The following MYO5B variants were observed in gnomAD, a reference collection of about 807,000 sequenced individuals.
The protein encoded by MYO5B is unconventional myosin-Vb.
Under a neutral mutation model 229.3 loss-of-function variants are expected in MYO5B, and 143 were observed. That is an observed-to-expected ratio of 0.62 (90% CI 0.54 to 0.72). The LOEUF (loss-of-function observed/expected upper bound fraction) is 0.72. Ranked by LOEUF, MYO5B falls within the 30% of genes least tolerant of loss-of-function variation. The pLI is 0.00. For missense variants in MYO5B, 2,321 were observed against 2,331.0 expected, an observed-to-expected ratio of 1.00 and a Z score of 0.09; for synonymous variants, 918 against 885.2, an observed-to-expected ratio of 1.04 and a Z score of -0.66.
chr18:50,183,822 T>C (rs2144352692), intron 1 of MYO5B, among the ~76,000 whole-genome samples: 1 of 152,226 alleles, frequency 6.6e-6, no homozygotes, highest in African/African-American at 2.4e-5. Context: ...GTTCTCATGG[T>C]AGTGAGTTCT....
chr18:50,036,729 G>A (rs2026452113), intron 4 of MYO5B, 121 bp downstream of exon 4: 2 of 1,171,256 alleles, frequency 1.7e-6, no homozygotes, highest in Admixed American at 3.7e-5. Flanking sequence ...TTGTTTCCAA[G>A]ATGTTTCCTC....
intron 4 of MYO5B, among the ~76,000 whole-genome samples, chr18:50,021,708 C>T (rs1265131493): frequency 1.2e-4 from 14 of 115,942 alleles, no homozygotes. Flanking sequence ...AACACCCCAT[C>T]CCATCTGCGT....
rs578050757 is a variant in MYO5B, at chr18:49,974,368, C to T, written c.1304G>A (p.Gly435Glu). The T allele has an allele frequency of 6.2e-7, 1 of 1,614,184 alleles. No homozygotes were observed. Among genetic ancestry groups the T allele is most frequent in the African/African-American group, 1.3e-5 (1 of 75,044 alleles). The change falls in exon 10 of 40, where the codon GGG (glycine) becomes GAG (glutamate). Residue 435 changes from glycine (G) to glutamate (E), a missense_variant. Physicochemically the swap from Gly to Glu is moderately conservative, Grantham distance 98 (BLOSUM62 -2). Around this residue, in one of 2 missense-constraint regions of MYO5B, gnomAD observed 2,113 missense variants for 2,044.7 expected, o/e 1.03. Coordinates refer to ENST00000285039, the MANE Select transcript of MYO5B (RefSeq NM_001080467.3). ...GGCCTACCCATAGATGTCCAGGACCCCGATGAAGGAGTGCTGCTTGAGGGA... is the reference window on the plus strand; with the variant it reads ...GGCCTACCCATAGATGTCCAGGACCTCGATGAAGGAGTGCTGCTTGAGGGA... ...HTSLKQHSFIGVLDIYGFETF... is the reference protein window; with the variant it reads ...HTSLKQHSFIEVLDIYGFETF...
intron 36 of MYO5B, among the ~76,000 whole-genome samples, chr18:49,838,778 A>T (rs1057277772): frequency 6.6e-6 from 1 of 152,168 alleles, no homozygotes; most frequent in African/African-American, 2.4e-5. Flanking sequence ...TTTCGCATGA[A>T]CACTCCTGCT....
At chr18:49,979,439 A>G (rs1167929266) in intron 9 of MYO5B, among the ~76,000 whole-genome samples, 2 of 152,188 alleles carry the variant, frequency 1.3e-5, no homozygotes, top group South Asian at 2.1e-4. Context: ...TCCATGGATG[A>G]TACACAATGA....
chr18:50,156,873 A>T (rs1455348216), intron 1 of MYO5B, among the ~76,000 whole-genome samples: 1 of 152,182 alleles, frequency 6.6e-6, no homozygotes, highest in Non-Finnish European at 1.5e-5. Context: ...TTCAATGTAC[A>T]CATGAAATCC....
Position 50,194,756 on chromosome 18 carries a change from G to T in MYO5B, c.27+11C>A, listed in dbSNP as rs1355474566. 67 of 1,481,122 alleles carry T rather than the reference G, an allele frequency of 4.5e-5. No individual in the cohort carries two copies. The highest frequency in any genetic ancestry group is 5.9e-5 in the Non-Finnish European group (66 of 1,120,374). The allele number at this position is 1,481,122 out of a possible 1,614,324, so 91.7% of individuals were successfully genotyped here. ...CCGGCCCCGGGGCGCCTCCCTCGCG[G>T]CCGCGCTCACCTGGCTGTAGAGCTC... On this transcript the variant is annotated intron_variant, in intron 1 of 39. Transcript: ENST00000285039.
Position 49,962,283 on chromosome 18 carries a change from AC to A in MYO5B, c.1527del (p.Leu510TrpfsTer71). Reference sequence around the variant, plus strand: ...AGTTTTACCTTACATTCTTCATCCAACAGGTCCAAGATACCCAGCTTGGCTT... The same window carrying A: ...AGTTTTACCTTACATTCTTCATCCAAAGGTCCAAGATACCCAGCTTGGCTT... ...LIEAKLGILDLLDEECKVPKG... is the reference protein window; with the variant it reads ...LIEAKLGILDXLDEECKVPKG... On this transcript the variant is annotated frameshift_variant, in exon 12 of 40. Transcript: ENST00000285039. LOFTEE classifies it high-confidence loss of function. The A allele has an allele frequency of 6.2e-7, 1 of 1,614,154 alleles. No homozygotes were observed. Among genetic ancestry groups the A allele is most frequent in the East Asian group, 2.2e-5 (1 of 44,880 alleles).
At position 49,833,343 on chromosome 18, in the gene MYO5B, CTTT is replaced by C. The variant is rs367905904; in HGVS notation, c.5394+1998_5394+2000del. On this transcript the variant is annotated intron_variant, in intron 39 of 39. Coordinates refer to ENST00000285039, the MANE Select transcript of MYO5B (RefSeq NM_001080467.3). ...TGGTTTGCTTTAACAAGTAACTTGT[CTTT>C]ATCACACATGTGAGTTCAAATGTAG... Among the ~76,000 whole-genome samples the C allele has an allele frequency of 1.5e-4, 23 of 152,340 alleles. No individual in the cohort carries two copies. The East Asian group carries it at 3.9e-3, about 26-fold the overall frequency.
chr18:49,880,320 G>A, intron 23 of MYO5B, 51 bp downstream of exon 23: 1 of 1,493,516 alleles, frequency 6.7e-7, no homozygotes, highest in Non-Finnish European at 9.3e-7. Flanking sequence ...AGAAGTCAGT[G>A]AGGAAAAGAG....
At chr18:49,865,317 C>T (rs556562306) in intron 27 of MYO5B, among the ~76,000 whole-genome samples, 141 of 152,254 alleles carry the variant, frequency 9.3e-4, no homozygotes, top group African/African-American at 3.3e-3. Flanking sequence ...TGGTCCAGGG[C>T]GCCCCTGTGA....
intron 2 of MYO5B, among the ~76,000 whole-genome samples, chr18:50,047,897 C>G (rs1232416824): frequency 7.7e-6 from 1 of 130,658 alleles, no homozygotes; most frequent in South Asian, 2.3e-4. Flanking sequence ...AATGAGAACA[C>G]TTGGACACAG....
At chr18:49,974,733 C>A in intron 9 of MYO5B, 118 bp from the exon 10 acceptor site, 1 of 1,206,004 alleles carries the variant, frequency 8.3e-7, no homozygotes, top group Non-Finnish European at 1.2e-6. Context: ...CCTCCCAGCC[C>A]TCCAGAATCC....
At position 49,937,286 on chromosome 18, in the gene MYO5B, T is replaced by C; in HGVS notation, c.1864A>G (p.Lys622Glu). 6.2e-7 allele frequency: 1 copy of C among 1,614,150 alleles called. No individual in the cohort carries two copies. The highest frequency in any genetic ancestry group is 8.5e-7 in the Non-Finnish European group (1 of 1,180,014). ...ISVRSARPPM[K>E]VSNKEHKKTV... ...TTCTTGTGCTCCTTGTTGGAGACTT[T>C]CATGGGGGGTCTGGCAGAACGGACG... Residue 622 changes from lysine (K) to glutamate (E), a missense_variant, in exon 15 of 40, where the codon AAA (lysine) becomes GAA (glutamate). Around this residue, in one of 2 missense-constraint regions of MYO5B, gnomAD observed 2,113 missense variants for 2,044.7 expected, o/e 1.03. Coordinates refer to ENST00000285039, the MANE Select transcript of MYO5B (RefSeq NM_001080467.3).
chr18:50,007,527 T>C (rs2026115496), intron 4 of MYO5B, among the ~76,000 whole-genome samples: 1 of 152,164 alleles, frequency 6.6e-6, no homozygotes, highest in South Asian at 2.1e-4. Context: ...CATCCCTCTA[T>C]CCTCTAAATA....
At chr18:50,065,108 T>G (rs1439884041) in intron 1 of MYO5B, among the ~76,000 whole-genome samples, 1 of 152,130 alleles carries the variant, frequency 6.6e-6, no homozygotes, top group Non-Finnish European at 1.5e-5. Flanking sequence ...CATGTCAGTC[T>G]CCCCCATCTC....
intron 1 of MYO5B, among the ~76,000 whole-genome samples, chr18:50,082,428 TAGA>T (rs2031239949): frequency 6.6e-6 from 1 of 152,216 alleles, no homozygotes; most frequent in South Asian, 2.1e-4. Flanking sequence ...GAGAAAAATT[TAGA>T]AGGATATTCC....
chr18:50,024,174 A>G (rs1370476112), intron 4 of MYO5B, among the ~76,000 whole-genome samples: 1 of 152,228 alleles, frequency 6.6e-6, no homozygotes, highest in African/African-American at 2.4e-5. Flanking sequence ...CCAGTGCGGA[A>G]GCAGAAAAAA....
At chr18:49,834,795 C>T (rs7238573) in intron 39 of MYO5B, among the ~76,000 whole-genome samples, 11,555 of 152,110 alleles carry the variant, frequency 0.076, 916 homozygotes, top group East Asian at 0.29. Context: ...CCCACCACCA[C>T]GCCCGGCTAA....
Sources: allele counts gnomAD v4.1 joint callset (sites outside exome capture counted in the v4.1 genomes callset), GRCh38; gene constraint gnomAD v4.1.1; regional missense constraint gnomAD v4.1.1; transcripts MANE v1.5; gene names NCBI Gene and HGNC (gene_info 2026-07-23, HGNC 2026-07-21).